RABGAP1: variants seen among roughly 807,000 people sequenced by gnomAD.
RABGAP1 encodes rab GTPase-activating protein 1.
RABGAP1 carries 23 observed loss-of-function variants against 137.6 expected under a neutral mutation model. The ratio of observed to expected loss-of-function variants is 0.17; its 90% CI spans 0.12 to 0.24. The LOEUF is 0.24. RABGAP1 is among the 10% of genes least tolerant of loss of function. RABGAP1 has a pLI of 1.00. For missense variants in RABGAP1, 906 were observed against 1,275.8 expected (o/e 0.71, Z 4.42); for synonymous variants, 451 against 450.7 (o/e 1.00, Z -0.01).
In RABGAP1 at chr9:122,957,150, C is replaced by T. The variant is rs1834571271; in HGVS notation, c.91C>T (p.Gln31Ter). Reference sequence around the variant, plus strand: ...TGAAGATTTTGTCTTGGTTTCCAGGCAAGGAGATGAGACACCATCTACAAA... The same window carrying T: ...TGAAGATTTTGTCTTGGTTTCCAGGTAAGGAGATGAGACACCATCTACAAA... ...NSEDFVLVSR[Q>*]GDETPSTNNG... The change falls in exon 2 of 26, where the codon CAA becomes TAA. Residue 31 changes from glutamine (Q) to a stop codon, truncating the protein, a stop_gained. Coordinates refer to ENST00000373647, the MANE Select transcript of RABGAP1 (RefSeq NM_012197.4). LOFTEE classifies it high-confidence loss of function. 6.4e-7 allele frequency: 1 copy of T among 1,572,034 alleles called. No homozygotes were observed. Among genetic ancestry groups the T allele is most frequent in the Non-Finnish European group, 8.7e-7 (1 of 1,150,814 alleles).
At chr9:123,102,019 C>T (rs938450570) in intron 25 of RABGAP1, among the ~76,000 whole-genome samples, 19 of 152,158 alleles carry the variant, frequency 1.2e-4, no homozygotes, top group African/African-American at 4.6e-4. Context: ...GATGAGAAGA[C>T]AGTGCTTTAG....
In RABGAP1 at chr9:123,070,277, G is replaced by C. The variant is rs2034312264; in HGVS notation, c.1909-73G>C. 1 of 1,599,128 alleles carries C rather than the reference G, an allele frequency of 6.3e-7. No individual in the cohort carries two copies. Among genetic ancestry groups the C allele is most frequent in the Non-Finnish European group, 8.5e-7 (1 of 1,172,912 alleles). On this transcript the variant is annotated intron_variant, in intron 14 of 25. Coordinates refer to ENST00000373647, the MANE Select transcript of RABGAP1 (RefSeq NM_012197.4). This position sits in a 1 kb window ranked among gnomAD's most constrained non-coding sequence, Gnocchi z 4.4. The stretch of plus-strand genomic sequence containing the variant: ...GCATCCTCCAGGGTTCTGTATTCAA[G>C]GTCCTATAGTGCCACCATGGCCCAC...
At chr9:123,023,447 T>A (rs1376965184) in intron 13 of RABGAP1, among the ~76,000 whole-genome samples, 1 of 152,132 alleles carries the variant, frequency 6.6e-6, no homozygotes, top group African/African-American at 2.4e-5. Flanking sequence ...CCTCCCAAAG[T>A]GCTAGGATTA....
intron 11 of RABGAP1, among the ~76,000 whole-genome samples, chr9:123,014,819 G>A (rs1204495040): frequency 2.0e-5 from 3 of 152,078 alleles, no homozygotes; most frequent in Non-Finnish European, 4.4e-5. Flanking sequence ...TAGAATCATG[G>A]CAGAAGGGGA....
Position 123,070,483 on chromosome 9 carries a change from C to G in RABGAP1, c.1983+59C>G. 1 of 1,611,636 alleles carries G rather than the reference C, an allele frequency of 6.2e-7. No homozygotes were observed. Among genetic ancestry groups the G allele is most frequent in the Admixed American group, 1.7e-5 (1 of 59,814 alleles). The stretch of plus-strand genomic sequence containing the variant: ...ATGGCCTCCCTCAGCTTATACTAAC[C>G]TTAGGCTTGAGCATGGTTTTATATT... On this transcript the variant is annotated intron_variant, in intron 15 of 25. Coordinates refer to ENST00000373647, the MANE Select transcript of RABGAP1 (RefSeq NM_012197.4). This position sits in a 1 kb window ranked among gnomAD's most constrained non-coding sequence, Gnocchi z 4.4.
At chr9:122,989,209 A>G in intron 4 of RABGAP1, 88 bp from the exon 5 acceptor site, 4 of 1,212,538 alleles carry the variant, frequency 3.3e-6, no homozygotes, top group Middle Eastern at 2.8e-4. Context: ...TCTTCTTACT[A>G]GAAAGAATGA....
chr9:123,056,687 C>G (rs373804639), intron 13 of RABGAP1, among the ~76,000 whole-genome samples: 9 of 151,772 alleles, frequency 5.9e-5, no homozygotes, highest in East Asian at 1.9e-4. Context: ...TGACTCTTAA[C>G]GAGCATGCTG....
intron 6 of RABGAP1, chr9:122,990,909 G>A (rs933428201): frequency 4.5e-5 from 6 of 134,766 alleles, no homozygotes; most frequent in African/African-American, 1.7e-4. Context: ...TTAGTTGGTT[G>A]ATTTACTTAT....
chr9:123,066,830 C>T (rs1187053569), intron 14 of RABGAP1, among the ~76,000 whole-genome samples: 1 of 152,164 alleles, frequency 6.6e-6, no homozygotes, highest in Non-Finnish European at 1.5e-5. Flanking sequence ...CATTTTAAAA[C>T]ATGGTTTATT....
chr9:122,989,324 A>C lies in RABGAP1; in HGVS notation c.618A>C (p.Glu206Asp). Residue 206 changes from glutamate to aspartate, a missense_variant, in exon 5 of 26, where the codon GAA (glutamate) becomes GAC (aspartate). Glu to Asp is a conservative substitution (Grantham distance 45). Transcript: ENST00000373647. ...VRLLDPQTNT[E>D]IANYPIYKIL... ...TCTTAGATCCTCAGACAAACACTGAAATAGCAAACTACCCTATCTACAAAA... is the reference window on the plus strand; with the variant it reads ...TCTTAGATCCTCAGACAAACACTGACATAGCAAACTACCCTATCTACAAAA... 6.2e-7 allele frequency: 1 copy of C among 1,613,752 alleles called. No homozygotes were observed. Among genetic ancestry groups the C allele is most frequent in the Non-Finnish European group, 8.5e-7 (1 of 1,179,754 alleles).
At chr9:122,950,352 C>CT (rs1033506033) in intron 1 of RABGAP1, among the ~76,000 whole-genome samples, 2 of 73,638 alleles carry the variant, frequency 2.7e-5, no homozygotes, top group Non-Finnish European at 3.0e-5. Context: ...GGTTTGGTGT[C>CT]TTTTTTTTCT....
chr9:123,004,402 A>C (rs748859546), intron 10 of RABGAP1, among the ~76,000 whole-genome samples: 6 of 151,682 alleles, frequency 4.0e-5, no homozygotes, highest in Admixed American at 1.3e-4. Context: ...ATCCTCCTAC[A>C]TCAGCCTCCC....
intron 5 of RABGAP1, 115 bp from the exon 6 acceptor site, chr9:122,989,919 CAAATTAGGTAATTTACCAAAAG>C: frequency 9.6e-7 from 1 of 1,039,124 alleles, no homozygotes; most frequent in African/African-American, 1.6e-5. Context: ...ATAGGCCTAA[CAAATTAGGTAATTTACCAAAAG>C]AAATAAGTGG....
rs1014729600 is a variant in RABGAP1, at chr9:122,941,072, G to C, written c.-71G>C. 1.3e-5 allele frequency: 2 copies of C among 153,284 alleles called. No homozygotes were observed. Among genetic ancestry groups the C allele is most frequent in the African/African-American group, 4.8e-5 (2 of 41,458 alleles). The allele number at this position is 153,284 out of a possible 1,614,324, so 9.5% of individuals were successfully genotyped here. ...TCCGGGACGGCGAGCGGCGGGCGGC[G>C]GAGGAGGAGACGGCAGGTCGGGTAG... On this transcript the variant is annotated 5_prime_UTR_variant, in exon 1 of 26. Transcript: ENST00000373647.
At chr9:122,988,093 G>A (rs914117046) in intron 4 of RABGAP1, among the ~76,000 whole-genome samples, 10 of 152,122 alleles carry the variant, frequency 6.6e-5, no homozygotes, top group African/African-American at 2.4e-4. Context: ...TTAATAAAAT[G>A]TGTTTAGCAC....
chr9:123,000,301 G>A (rs957053184), intron 10 of RABGAP1, among the ~76,000 whole-genome samples: 1 of 151,406 alleles, frequency 6.6e-6, no homozygotes, highest in Non-Finnish European at 1.5e-5. Flanking sequence ...TTCATACTCT[G>A]TCTTTTTTGT....
At chr9:123,050,645 A>C (rs1264556264) in intron 13 of RABGAP1, among the ~76,000 whole-genome samples, 1 of 152,234 alleles carries the variant, frequency 6.6e-6, no homozygotes, top group African/African-American at 2.4e-5. Context: ...ACCTATTTCT[A>C]TAATTCTTAC....
In RABGAP1 at chr9:123,003,345, A is replaced by G. The variant is rs377488560; in HGVS notation, c.1374+4579A>G. On this transcript the variant is annotated intron_variant, in intron 10 of 25. Transcript: ENST00000373647. ...GGGATGTTATATGAACAAAACATAT[A>G]TCTAAGCCTTTTAAAAGTCTCTGCC... Among the ~76,000 whole-genome samples the G allele has an allele frequency of 1.3e-4, 20 of 152,340 alleles. No individual in the cohort carries two copies. In the East Asian group the frequency reaches 3.5e-3, roughly 26 times the overall value.
intron 3 of RABGAP1, among the ~76,000 whole-genome samples, chr9:122,985,400 G>A (rs1010057513): frequency 6.6e-6 from 1 of 152,116 alleles, no homozygotes; most frequent in Non-Finnish European, 1.5e-5. Context: ...GGATCACAAG[G>A]TCAGGAGATC....
Sources: gnomAD v4.1 joint callset for allele counts (sites outside exome capture counted in the v4.1 genomes callset) on GRCh38, gnomAD v4.1.1 for gene constraint, Gnocchi (gnomAD v3.1) non-coding constraint, MANE v1.5 for transcripts, NCBI Gene and HGNC (gene_info 2026-07-23, HGNC 2026-07-21) for gene names.